The following F9 variants were observed in gnomAD, a reference collection of about 807,000 sequenced individuals.
The protein encoded by F9 is Christmas factor.
F9 carries 2 observed loss-of-function variants against 34.1 expected under a neutral mutation model. That is an observed-to-expected ratio of 0.06 (90% CI 0.02 to 0.18). F9 has a LOEUF of 0.18. Among genes scored for constraint, F9 ranks in the 10% least tolerant of loss-of-function variants. F9 has a pLI of 1.00. For missense variants in F9, 216 were observed against 345.1 expected (o/e 0.63, Z 2.96); for synonymous variants, 137 against 118.8 (o/e 1.15, Z -1.00).
Position 139,561,817 on chromosome X carries a change from G to A in F9, c.1132G>A (p.Asp378Asn). 1 of 1,211,677 alleles carries A rather than the reference G, an allele frequency of 8.3e-7. No homozygotes were observed. Among genetic ancestry groups the A allele is most frequent in the African/African-American group, 1.7e-5 (1 of 57,747 alleles). Residue 378 changes from aspartate (D) to asparagine (N), a missense_variant, in exon 8 of 8, where the codon GAC becomes AAC. Coordinates refer to ENST00000218099, the MANE Select transcript of F9 (RefSeq NM_000133.4). ...TCAGTACCTTAGAGTTCCACTTGTT[G>A]ACCGAGCCACATGTCTTCGATCTAC... ...VLQYLRVPLV[D>N]RATCLRSTKF...
intron 6 of F9, among the ~76,000 whole-genome samples, chrX:139,560,339 G>A (rs1270565283): frequency 8.9e-6 from 1 of 111,775 alleles, no homozygotes; most frequent in African/African-American, 3.3e-5. Flanking sequence ...GTAGGTACAG[G>A]GAACACCCTA....
intron 1 of F9, among the ~76,000 whole-genome samples, chrX:139,533,024 G>A: frequency 9.0e-6 from 1 of 111,617 alleles, no homozygotes; most frequent in East Asian, 2.8e-4. Context: ...AATGATAGTG[G>A]GGGAGGGGGC....
rs773388219 is a variant in F9 at position 139,530,868 on chromosome X, T to A, written c.88+16T>A. The A allele has an allele frequency of 1.2e-5, 13 of 1,129,797 alleles. No individual in the cohort carries two copies. The highest frequency in any genetic ancestry group is 5.4e-5 in the African/African-American group (3 of 55,913). 93.1% of individuals were successfully genotyped at this position (1,129,797 alleles called of 1,213,427 possible). ...GAATGTACAGGTTTGTTTCCTTTTTTAAAATACATTGAGTATGCTTGCCTT... is the reference window on the plus strand; with the variant it reads ...GAATGTACAGGTTTGTTTCCTTTTTAAAAATACATTGAGTATGCTTGCCTT... On this transcript the variant is annotated intron_variant, in intron 1 of 7. Transcript: ENST00000218099.
At chrX:139,538,541 C>T (rs745938273) in intron 3 of F9, among the ~76,000 whole-genome samples, 1 of 111,784 alleles carries the variant, frequency 8.9e-6, no homozygotes, top group South Asian at 3.8e-4. Flanking sequence ...TAACTCATAA[C>T]TCCTCCACTT....
At chrX:139,531,135 A>G (rs1456406495) in intron 1 of F9, among the ~76,000 whole-genome samples, 1 of 111,951 alleles carries the variant, frequency 8.9e-6, no homozygotes, top group Admixed American at 9.5e-5. Flanking sequence ...GAAAACATTC[A>G]TCTCCTTGGT....
rs1165348597 is a variant in F9, at chrX:139,561,583, A to G, written c.898A>G (p.Ile300Val). 2.5e-6 allele frequency: 3 copies of G among 1,206,645 alleles called. No individual in the cohort carries two copies. The African/African-American group carries it at 5.2e-5, about 21-fold the overall frequency. The change falls in exon 8 of 8, where the codon ATT becomes GTT. Residue 300 changes from isoleucine to valine, a missense_variant. Ile to Val is a conservative substitution (Grantham distance 29). Coordinates refer to ENST00000218099, the MANE Select transcript of F9 (RefSeq NM_000133.4). Reference protein sequence around the residue: ...TEQKRNVIRIIPHHNYNAAIN... With the variant: ...TEQKRNVIRIVPHHNYNAAIN... ...GCAAAAGCGAAATGTGATTCGAATT[A>G]TTCCTCACCACAACTACAATGCAGC... is the stretch of plus-strand genomic sequence containing the variant.
intron 7 of F9, among the ~76,000 whole-genome samples, chrX:139,561,201 G>A (rs1429045507): frequency 9.0e-6 from 1 of 111,381 alleles, no homozygotes; most frequent in African/African-American, 3.3e-5. Context: ...TGAATTAATG[G>A]CCAAATGAGT....
At chrX:139,554,017 T>C (rs1927912327) in intron 6 of F9, among the ~76,000 whole-genome samples, 3 of 109,666 alleles carry the variant, frequency 2.7e-5, no homozygotes, top group Non-Finnish European at 5.7e-5. Context: ...AAACCAGATG[T>C]TTGCCAATGC....
chrX:139,538,129 T>G (rs1259214885), intron 3 of F9, among the ~76,000 whole-genome samples: 1 of 111,904 alleles, frequency 8.9e-6, no homozygotes, highest in African/African-American at 3.2e-5. Flanking sequence ...TCATATAATT[T>G]CTTACTCATA....
intron 6 of F9, among the ~76,000 whole-genome samples, chrX:139,557,550 T>TCATC (rs1176644082): frequency 8.0e-5 from 9 of 112,057 alleles, no homozygotes; most frequent in African/African-American, 9.7e-5. Flanking sequence ...GCTGTGGATG[T>TCATC]CATCCATCCT....
intron 1 of F9, among the ~76,000 whole-genome samples, chrX:139,533,666 T>C: frequency 8.9e-6 from 1 of 111,743 alleles, no homozygotes; most frequent in Non-Finnish European, 1.9e-5. Context: ...TGCCTGGCAG[T>C]AGTGGTTGTA....
At chrX:139,556,917 G>A (rs1326857664) in intron 6 of F9, among the ~76,000 whole-genome samples, 1 of 112,207 alleles carries the variant, frequency 8.9e-6, no homozygotes, top group Non-Finnish European at 1.9e-5. Context: ...CAACTTGGGT[G>A]GGTAAGTAGG....
chrX:139,531,910 G>C (rs1049164186), intron 1 of F9, among the ~76,000 whole-genome samples: 7 of 112,311 alleles, frequency 6.2e-5, no homozygotes, highest in Non-Finnish European at 9.4e-5. Flanking sequence ...GTAAAGTCAA[G>C]GGATAAAGAA....
In F9 at chrX:139,563,143, A is replaced by G. The variant is rs1341124408; in HGVS notation, c.*1072A>G. On this transcript the variant is annotated 3_prime_UTR_variant, in exon 8 of 8. Coordinates refer to ENST00000218099, the MANE Select transcript of F9 (RefSeq NM_000133.4). ...CGTTCGTTTGCAATCTACAGCTAGT[A>G]GAGACTTTGAGGAAGAATTCAACAG... 1 of 110,149 alleles carries G rather than the reference A, an allele frequency of 9.1e-6. No individual in the cohort carries two copies. The highest frequency in any genetic ancestry group is 3.3e-5 in the African/African-American group (1 of 30,312). The allele number at this position is 110,149 out of a possible 1,213,427, so 9.1% of individuals were successfully genotyped here. A position where few individuals can be genotyped will look rare whatever the true frequency, so the allele number is the denominator to read the frequency against.
chrX:139,546,417 A>G (rs1303520628), intron 4 of F9, among the ~76,000 whole-genome samples: 1 of 111,982 alleles, frequency 8.9e-6, no homozygotes, highest in Non-Finnish European at 1.9e-5. Flanking sequence ...AACCTGTTAA[A>G]CAGTCTAGCT....
At position 139,548,196 on chromosome X, in the gene F9, C is replaced by T. The variant is rs1028899998; in HGVS notation, c.392-167C>T. Among the ~76,000 whole-genome samples, 5 of 111,141 alleles carry T rather than the reference C, an allele frequency of 4.5e-5. No individual in the cohort carries two copies. In the Admixed American group the frequency reaches 4.8e-4, roughly 11 times the overall value. Reference sequence around the variant, plus strand: ...TTATTGAGAAGTTTATTTTACCTTTCTTTCCACTCTTATTTCAAGGCTCCA... The same window carrying T: ...TTATTGAGAAGTTTATTTTACCTTTTTTTCCACTCTTATTTCAAGGCTCCA... On this transcript the variant is annotated intron_variant, in intron 4 of 7. Coordinates refer to ENST00000218099, the MANE Select transcript of F9 (RefSeq NM_000133.4).
At chrX:139,536,208 TACAC>T (rs749471322) in intron 1 of F9, among the ~76,000 whole-genome samples, 3 of 84,874 alleles carry the variant, frequency 3.5e-5, no homozygotes, top group East Asian at 6.1e-4. Context: ...TATACATATA[TACAC>T]ACACATATAT....
At chrX:139,539,563 C>G (rs1375141585) in intron 3 of F9, among the ~76,000 whole-genome samples, 1 of 112,631 alleles carries the variant, frequency 8.9e-6, no homozygotes, top group Non-Finnish European at 1.9e-5. Context: ...TAAAATGACA[C>G]TCATTTTAAC....
chrX:139,561,544 A>T lies in F9; in HGVS notation c.859A>T (p.Thr287Ser), dbSNP rs192786392. Residue 287 changes from threonine to serine, a missense_variant, in exon 8 of 8, where the codon ACA (threonine) becomes TCA (serine). Coordinates refer to ENST00000218099, the MANE Select transcript of F9 (RefSeq NM_000133.4). ...AATAGGTGAACATAATATTGAGGAG[A>T]CAGAACATACAGAGCAAAAGCGAAA... ...VVAGEHNIEETEHTEQKRNVI... is the reference protein window; with the variant it reads ...VVAGEHNIEESEHTEQKRNVI... 8.3e-7 allele frequency: 1 copy of T among 1,203,506 alleles called. No homozygotes were observed. Among genetic ancestry groups the T allele is most frequent in the Admixed American group, 2.2e-5 (1 of 45,116 alleles).
Sources: gnomAD v4.1 joint callset for allele counts (sites outside exome capture counted in the v4.1 genomes callset) on GRCh38, gnomAD v4.1.1 for gene constraint, MANE v1.5 for transcripts, NCBI Gene and HGNC (gene_info 2026-07-23, HGNC 2026-07-21) for gene names.